The following GRXCR2 variants were observed in gnomAD, a reference collection of about 807,000 sequenced individuals.
GRXCR2 encodes glutaredoxin domain-containing cysteine-rich protein 2.
A neutral mutation model predicts 24.8 loss-of-function variants in GRXCR2; 23 were observed. The observed-to-expected ratio is 0.93, with a 90% CI of 0.67 to 1.32. The LOEUF is 1.32. Among genes scored for constraint, GRXCR2 ranks in the 40% most tolerant of loss-of-function variants. The probability of loss-of-function intolerance (pLI) is 0.00; values close to 1 mark genes in which losing one functional copy is unlikely to be tolerated. For synonymous variants in GRXCR2, 130 were observed against 116.1 expected (o/e 1.12, Z -0.77); for missense variants, 315 against 303.4 (o/e 1.04, Z -0.28).
intron 2 of GRXCR2, among the ~76,000 whole-genome samples, chr5:145,894,970 G>C (rs1185553018): frequency 6.6e-6 from 1 of 152,106 alleles, no homozygotes; most frequent in African/African-American, 2.4e-5. Context: ...GGGATGCAAG[G>C]CTGGTTCAAC....
chr5:145,919,563 T>G (rs942140691), intron 2 of GRXCR2, among the ~76,000 whole-genome samples: 1 of 152,134 alleles, frequency 6.6e-6, no homozygotes. Flanking sequence ...CGCGAATCAA[T>G]TGCTCGGAGA....
At chr5:145,893,331 G>A (rs1000459895) in intron 2 of GRXCR2, among the ~76,000 whole-genome samples, 10 of 152,152 alleles carry the variant, frequency 6.6e-5, no homozygotes, top group African/African-American at 2.2e-4. Context: ...AAAAGACACA[G>A]AATGGCAAAT....
intron 2 of GRXCR2, among the ~76,000 whole-genome samples, chr5:145,878,670 A>C (rs1314769010): frequency 6.6e-6 from 1 of 152,342 alleles, no homozygotes; most frequent in East Asian, 1.9e-4. Context: ...AGGCAGGCCA[A>C]CATTCAAATT....
At chr5:145,869,502 G>A (rs1035403746) in intron 1 of GRXCR2, among the ~76,000 whole-genome samples, 5 of 151,056 alleles carry the variant, frequency 3.3e-5, no homozygotes, top group South Asian at 2.1e-4. Flanking sequence ...GGTAACATTC[G>A]CTAAGCACAT....
Position 145,859,893 on chromosome 5 carries a change from C to A in GRXCR2, c.587G>T (p.Ser196Ile). The A allele has an allele frequency of 6.3e-7, 1 of 1,592,770 alleles. No individual in the cohort carries two copies. The highest frequency in any genetic ancestry group is 1.7e-5 in the Admixed American group (1 of 57,302). ...GCCCGACCCTCGGCAGTGAAAACAG[C>A]TGTCCTCGGGAATATCCCCTTCCTG... ...YTQEGDIPED[S>I]CFHCRGSGSA... Residue 196 changes from serine to isoleucine, a missense_variant, in exon 3 of 3, where the codon AGC becomes ATC. Coordinates refer to ENST00000377976, the MANE Select transcript of GRXCR2 (RefSeq NM_001080516.2).
At chr5:145,918,648 C>T (rs1757276669) in intron 2 of GRXCR2, among the ~76,000 whole-genome samples, 1 of 152,202 alleles carries the variant, frequency 6.6e-6, no homozygotes, top group South Asian at 2.1e-4. Flanking sequence ...TCAGCTGTGT[C>T]ACCTGAATGT....
At chr5:145,915,558 G>A (rs1757225132) in intron 2 of GRXCR2, among the ~76,000 whole-genome samples, 1 of 152,096 alleles carries the variant, frequency 6.6e-6, no homozygotes, top group Non-Finnish European at 1.5e-5. Context: ...GCCGAGGTGG[G>A]TGGATCACTT....
intron 2 of GRXCR2, among the ~76,000 whole-genome samples, chr5:145,864,679 C>T (rs1047711617): frequency 1.3e-5 from 2 of 152,100 alleles, no homozygotes; most frequent in African/African-American, 4.8e-5. Flanking sequence ...TTCCCCTTCA[C>T]CTTCCACCAA....
chr5:145,929,369 G>T (rs1757449672), intron 2 of GRXCR2, among the ~76,000 whole-genome samples: 1 of 151,756 alleles, frequency 6.6e-6, no homozygotes, highest in South Asian at 2.1e-4. Flanking sequence ...GGATCAAAAG[G>T]TGAGAAGTGA....
upstream of GRXCR2, among the ~76,000 whole-genome samples, chr5:145,876,407 G>A (rs1284920399): frequency 1.3e-5 from 2 of 150,924 alleles, no homozygotes; most frequent in Non-Finnish European, 3.0e-5. Flanking sequence ...CTCCTGAGTA[G>A]CTGAGACCAA....
chr5:145,900,374 C>T (rs374877722), intron 2 of GRXCR2, among the ~76,000 whole-genome samples: 2 of 152,100 alleles, frequency 1.3e-5, no homozygotes, highest in African/African-American at 2.4e-5. Flanking sequence ...CCCAGTCATG[C>T]TTTCTGTACA....
At chr5:145,876,702 T>G (rs1756623845), upstream of GRXCR2, among the ~76,000 whole-genome samples, 1 of 152,168 alleles carries the variant, frequency 6.6e-6, no homozygotes, top group South Asian at 2.1e-4. Flanking sequence ...CCATTTCCCA[T>G]GTTCACAGAC....
upstream of GRXCR2, among the ~76,000 whole-genome samples, chr5:145,877,955 T>G (rs1229856615): frequency 6.6e-6 from 1 of 152,214 alleles, no homozygotes; most frequent in Non-Finnish European, 1.5e-5. Context: ...CTGAGAGACC[T>G]GACTGTTAGA....
In GRXCR2 at chr5:145,872,776, A is replaced by C. The variant is rs757365290; in HGVS notation, c.193T>G (p.Tyr65Asp). The C allele has an allele frequency of 8.7e-6, 14 of 1,614,102 alleles. No homozygotes were observed. Among genetic ancestry groups the C allele is most frequent in the Admixed American group, 3.3e-5 (2 of 60,006 alleles). The change falls in exon 1 of 3, where the codon TAT becomes GAT. Residue 65 changes from tyrosine to aspartate, a missense_variant. Coordinates refer to ENST00000377976, the MANE Select transcript of GRXCR2 (RefSeq NM_001080516.2). ...GGCCTGGGGACTTCCCCAGACCCAT[A>C]AACACCATCCATTGTTTCAAGAGAC... ...QESLETMDGV[Y>D]GSGEVPRPQM...
intron 2 of GRXCR2, among the ~76,000 whole-genome samples, chr5:145,860,153 A>G (rs979599342): frequency 3.9e-5 from 6 of 152,162 alleles, no homozygotes; most frequent in African/African-American, 7.2e-5. Context: ...TTTGCATTCC[A>G]AGACTTCATG....
In GRXCR2 at chr5:145,885,221, T is replaced by C. The variant is rs1756762147; in HGVS notation, c.-69-18493A>G. ...GGTTATTATAGTTATTGATCATTTG[T>C]AGAGAGCTGTAAGAGTTCATAGGAC... On this transcript the variant is annotated intron_variant, in intron 2 of 3. Coordinates refer to the GRXCR2 transcript ENST00000639411. Among the ~76,000 whole-genome samples the C allele has an allele frequency of 3.3e-5, 5 of 152,142 alleles. No homozygotes were observed. The South Asian group carries it at 1.0e-3, about 31-fold the overall frequency.
rs1467491337 is a variant in GRXCR2, at chr5:145,872,943, T to C, written c.26A>G (p.Asn9Ser). Reference sequence around the variant, plus strand: ...CCGGGGTTTGCCATCACTCTTCTGATTCAGCTTTTTCTCAGGGTCCTCCAT... The same window carrying C: ...CCGGGGTTTGCCATCACTCTTCTGACTCAGCTTTTTCTCAGGGTCCTCCAT... MEDPEKKLNQKSDGKPRKV... is the reference protein window; with the variant it reads MEDPEKKLSQKSDGKPRKV... The change falls in exon 1 of 3, where the codon AAT becomes AGT. Residue 9 changes from asparagine (N) to serine (S), a missense_variant. Asn to Ser is a conservative substitution (Grantham distance 46). Transcript: ENST00000377976. The C allele has an allele frequency of 3.1e-6, 5 of 1,614,076 alleles. No individual in the cohort carries two copies. The highest frequency in any genetic ancestry group is 1.1e-5 in the South Asian group (1 of 91,082).
chr5:145,896,009 C>T (rs1434611637), intron 2 of GRXCR2, among the ~76,000 whole-genome samples: 1 of 152,092 alleles, frequency 6.6e-6, no homozygotes, highest in Admixed American at 6.5e-5. Context: ...TTTGACAAAC[C>T]TGACAAAAAC....
rs1466276366 is a variant in GRXCR2 at position 145,858,840 on chromosome 5, A to C, written c.*893T>G. The stretch of plus-strand genomic sequence containing the variant: ...TGGATAGTAGAAACATTACTGCTAA[A>C]AATCAGCCTTGGTTAATTTTTTTCT... On this transcript the variant is annotated 3_prime_UTR_variant, in exon 3 of 3. Transcript: ENST00000377976. 1.3e-5 allele frequency: 2 copies of C among 152,196 alleles called. No homozygotes were observed. The highest frequency in any genetic ancestry group is 6.5e-5 in the Admixed American group (1 of 15,270). 9.4% of individuals were successfully genotyped at this position (152,196 alleles called of 1,614,324 possible). A position where few individuals can be genotyped will look rare whatever the true frequency, so the allele number is the denominator to read the frequency against.
Sources: allele counts gnomAD v4.1 joint callset (sites outside exome capture counted in the v4.1 genomes callset), GRCh38; gene constraint gnomAD v4.1.1; transcripts MANE v1.5; gene names NCBI Gene and HGNC (gene_info 2026-07-23, HGNC 2026-07-21).